Variants in PHF20 observed in about 807,000 individuals in gnomAD.
The protein encoded by PHF20 is glioma-expressed antigen 2.
PHF20 carries 23 observed loss-of-function variants against 113.5 expected under a neutral mutation model. The ratio of observed to expected loss-of-function variants is 0.20; its 90% CI spans 0.15 to 0.29. PHF20 has a LOEUF of 0.29. Ranked by LOEUF, PHF20 falls within the 10% of genes least tolerant of loss-of-function variation. The pLI is 1.00. For synonymous variants in PHF20, 434 were observed against 457.3 expected (o/e 0.95, Z 0.65); for missense variants, 943 against 1,219.6 (o/e 0.77, Z 3.38).
At chr20:35,821,798 T>A (rs889663211) in intron 2 of PHF20, among the ~76,000 whole-genome samples, 10 of 152,052 alleles carry the variant, frequency 6.6e-5, no homozygotes, top group Admixed American at 5.9e-4. Context: ...GTGGGGGAGT[T>A]GATGAGAAGT....
chr20:35,904,808 T>TCC (rs762417375), intron 10 of PHF20, among the ~76,000 whole-genome samples: 27 of 150,752 alleles, frequency 1.8e-4, no homozygotes, highest in Middle Eastern at 3.4e-3. Flanking sequence ...CTTCCTTTCT[T>TCC]TTCTTTCTTT....
chr20:35,807,667 A>C (rs1162709658), intron 2 of PHF20, among the ~76,000 whole-genome samples: 1 of 152,040 alleles, frequency 6.6e-6, no homozygotes, highest in African/African-American at 2.4e-5. Context: ...CTTTATATAT[A>C]TATTTTTTCT....
intron 15 of PHF20, among the ~76,000 whole-genome samples, chr20:35,933,684 A>G (rs1319533260): frequency 6.6e-6 from 1 of 152,150 alleles, no homozygotes; most frequent in Non-Finnish European, 1.5e-5. Flanking sequence ...GGCATGAGCC[A>G]CTGCGCCTGG....
intron 2 of PHF20, among the ~76,000 whole-genome samples, chr20:35,803,862 C>T (rs547082739): frequency 1.3e-5 from 2 of 151,626 alleles, no homozygotes; most frequent in South Asian, 4.2e-4. Context: ...GCACCCTCCT[C>T]GCCCACCCCT....
intron 17 of PHF20, 63 bp from the exon 18 acceptor site, chr20:35,947,422 T>C: frequency 6.4e-7 from 1 of 1,553,094 alleles, no homozygotes; most frequent in East Asian, 2.3e-5. Flanking sequence ...AAATGCTTGC[T>C]GATGTTCTTG....
intron 2 of PHF20, among the ~76,000 whole-genome samples, chr20:35,821,855 G>A (rs965463092): frequency 5.9e-5 from 9 of 152,170 alleles, no homozygotes; most frequent in African/African-American, 2.2e-4. Context: ...CAGATTTGCT[G>A]ACGACATGTA....
intron 10 of PHF20, among the ~76,000 whole-genome samples, chr20:35,903,070 A>T (rs73902933): frequency 0.11 from 4,615 of 40,376 alleles, 57 homozygotes; most frequent in African/African-American, 0.23. Flanking sequence ...TTCCTTTCCT[A>T]TCCTTTCTTT....
chr20:35,873,478 T>TA (rs1568686042), intron 9 of PHF20, among the ~76,000 whole-genome samples: 1 of 148,858 alleles, frequency 6.7e-6, no homozygotes, highest in Non-Finnish European at 1.5e-5. Flanking sequence ...TTTTTTTTTT[T>TA]TTTTTTTTAA....
At position 35,871,730 on chromosome 20, in the gene PHF20, G is replaced by A. The variant is rs149794718; in HGVS notation, c.1183G>A (p.Ala395Thr). ...CHSFGDGSGAAGLELNCPSMG... is the reference protein window; with the variant it reads ...CHSFGDGSGATGLELNCPSMG... ...CTCCTTTGGGGATGGATCCGGGGCTGCAGGCTTGGAGTTGAACTGCCCATC... is the reference window on the plus strand; with the variant it reads ...CTCCTTTGGGGATGGATCCGGGGCTACAGGCTTGGAGTTGAACTGCCCATC... Residue 395 changes from alanine (A) to threonine (T), a missense_variant, in exon 9 of 18, where the codon GCA becomes ACA. Coordinates refer to ENST00000374012, the MANE Select transcript of PHF20 (RefSeq NM_016436.5). 6.2e-7 allele frequency: 1 copy of A among 1,613,862 alleles called. No individual in the cohort carries two copies. The highest frequency in any genetic ancestry group is 1.1e-5 in the South Asian group (1 of 91,052).
rs1234572708 is a variant in PHF20 at position 35,938,704 on chromosome 20, G to C, written c.2308G>C (p.Glu770Gln). ...QLKMSILQSR[E>Q]HPDLPLWCQP... ...TCTTTGTCCTCTCAACAGAAGCCGG[G>C]AGCATCCTGATCTGCCGCTGTGGTG... Residue 770 changes from glutamate to glutamine, a missense_variant, in exon 16 of 18, where the codon GAG (glutamate) becomes CAG (glutamine). Physicochemically the swap from Glu to Gln is conservative, Grantham distance 29 (BLOSUM62 2). This residue lies in a region of PHF20 where 349 missense variants were observed against 412.3 expected (regional missense o/e 0.85). Transcript: ENST00000374012. 6.2e-7 allele frequency: 1 copy of C among 1,606,666 alleles called. No individual in the cohort carries two copies. The highest frequency in any genetic ancestry group is 8.5e-7 in the Non-Finnish European group (1 of 1,176,554).
chr20:35,910,638 T>A (rs1053543169), intron 10 of PHF20, among the ~76,000 whole-genome samples: 5 of 151,916 alleles, frequency 3.3e-5, no homozygotes, highest in African/African-American at 1.2e-4. Flanking sequence ...CTCTCTTTTT[T>A]CTTCCCCCCC....
intron 1 of PHF20, among the ~76,000 whole-genome samples, chr20:35,773,689 TAAAG>T (rs940476635): frequency 2.6e-5 from 4 of 152,228 alleles, no homozygotes; most frequent in African/African-American, 9.6e-5. Context: ...CTAGTGGCTA[TAAAG>T]ATTTTCCTTG....
intron 2 of PHF20, among the ~76,000 whole-genome samples, chr20:35,803,127 A>G (rs1466012385): frequency 2.0e-5 from 3 of 146,964 alleles, no homozygotes; most frequent in Non-Finnish European, 3.0e-5. Context: ...TGGTGCACGC[A>G]TGTAGTCCTA....
intron 15 of PHF20, among the ~76,000 whole-genome samples, chr20:35,932,496 T>A (rs2055779048): frequency 6.8e-6 from 1 of 147,600 alleles, no homozygotes; most frequent in Non-Finnish European, 1.5e-5. Flanking sequence ...AGTGGTGTGA[T>A]CTCGGCTCAC....
At chr20:35,819,648 CTGTGTGTGTGTGTG>C (rs57252834) in intron 2 of PHF20, among the ~76,000 whole-genome samples, 1 of 147,980 alleles carries the variant, frequency 6.8e-6, no homozygotes, top group Non-Finnish European at 1.5e-5. Flanking sequence ...CTTACACCAT[CTGTGTGTGTGTGTG>C]TGTGTGTGTG....
At chr20:35,874,876 A>G (rs1423569890) in intron 9 of PHF20, among the ~76,000 whole-genome samples, 1 of 152,006 alleles carries the variant, frequency 6.6e-6, no homozygotes, top group African/African-American at 2.4e-5. Flanking sequence ...ACTTGAGGCC[A>G]GGAGTTCAAG....
chr20:35,851,106 G>T (rs1455133341), intron 4 of PHF20, among the ~76,000 whole-genome samples: 1 of 152,070 alleles, frequency 6.6e-6, no homozygotes, highest in African/African-American at 2.4e-5. Flanking sequence ...GTCTGTCAGG[G>T]CTTTTTGCCC....
rs1274145326 is a variant in PHF20, at chr20:35,949,776, G to A, written c.*2149G>A. 6.6e-6 allele frequency: 1 copy of A among 152,606 alleles called. No homozygotes were observed. The highest frequency in any genetic ancestry group is 2.4e-5 in the African/African-American group (1 of 41,410). 9.5% of individuals were successfully genotyped at this position (152,606 alleles called of 1,614,324 possible). On this transcript the variant is annotated 3_prime_UTR_variant, in exon 18 of 18. Coordinates refer to ENST00000374012, the MANE Select transcript of PHF20 (RefSeq NM_016436.5). ...TTAGAAATATGTGCACTATCAGCTG[G>A]GTGCAGTGGCTCACGTCTGTAATCC...
At chr20:35,798,441 TTTTTC>T (rs200435871) in intron 1 of PHF20, among the ~76,000 whole-genome samples, 7,186 of 151,886 alleles carry the variant, frequency 0.047, 203 homozygotes, top group African/African-American at 0.088. Context: ...CATATGAGTT[TTTTTC>T]TTTTCTTTTC....
Sources: gnomAD v4.1 joint callset for allele counts (sites outside exome capture counted in the v4.1 genomes callset) on GRCh38, gnomAD v4.1.1 for gene constraint, gnomAD v4.1.1 regional missense constraint, MANE v1.5 for transcripts, NCBI Gene and HGNC (gene_info 2026-07-23, HGNC 2026-07-21) for gene names.